Variants in MEGF11 observed in about 807,000 individuals in gnomAD.
MEGF11 encodes multiple epidermal growth factor-like domains protein 11.
Under a neutral mutation model 146.6 loss-of-function variants are expected in MEGF11, and 126 were observed. The observed-to-expected ratio is 0.86, with a 90% CI of 0.74 to 1.00. The LOEUF (loss-of-function observed/expected upper bound fraction) is 1.00, where lower values mean the gene tolerates loss of function less well. Among genes scored for constraint, MEGF11 ranks in the 50% least tolerant of loss-of-function variants. MEGF11 has a pLI of 0.00. For missense variants in MEGF11, 1,509 were observed against 1,521.2 expected, an observed-to-expected ratio of 0.99 and a Z score of 0.13; for synonymous variants, 532 against 583.4, an observed-to-expected ratio of 0.91 and a Z score of 1.27.
At chr15:65,903,950 G>T (rs775132246) in intron 24 of MEGF11, among the ~76,000 whole-genome samples, 6 of 152,324 alleles carry the variant, frequency 3.9e-5, no homozygotes, top group Non-Finnish European at 8.8e-5. Context: ...ATTGTAGCCA[G>T]AGTGGTAAAA....
chr15:66,054,848 G>A (rs540517310), intron 5 of MEGF11, among the ~76,000 whole-genome samples: 41 of 152,232 alleles, frequency 2.7e-4, no homozygotes, highest in Admixed American at 4.6e-4. Context: ...AGGTGGAAAC[G>A]AAGGAAAGAG....
chr15:66,176,772 G>C (rs2090398402), intron 1 of MEGF11, among the ~76,000 whole-genome samples: 1 of 152,220 alleles, frequency 6.6e-6, no homozygotes, highest in Non-Finnish European at 1.5e-5. Flanking sequence ...TTCCCAGATG[G>C]TTTTAGGATG....
chr15:65,945,134 G>T (rs1387868172), intron 10 of MEGF11, among the ~76,000 whole-genome samples: 2 of 152,224 alleles, frequency 1.3e-5, no homozygotes, highest in Non-Finnish European at 2.9e-5. Context: ...GACCTCAAGT[G>T]ATCTGCCCTC....
chr15:66,221,273 G>A (rs992543242), intron 1 of MEGF11, among the ~76,000 whole-genome samples: 3 of 151,982 alleles, frequency 2.0e-5, no homozygotes, highest in African/African-American at 4.8e-5. Flanking sequence ...CCTGGGTCAC[G>A]GGCTCGCAGC....
chr15:66,229,655 A>G (rs1278438420), intron 1 of MEGF11, among the ~76,000 whole-genome samples: 1 of 152,062 alleles, frequency 6.6e-6, no homozygotes, highest in Non-Finnish European at 1.5e-5. Context: ...CATACTCTGA[A>G]TCTCTGAGTC....
intron 5 of MEGF11, among the ~76,000 whole-genome samples, chr15:66,092,056 G>T (rs910954425): frequency 2.6e-5 from 4 of 152,186 alleles, no homozygotes; most frequent in African/African-American, 9.6e-5. Flanking sequence ...AAATTCCAGG[G>T]ACAAGGAGCA....
rs76210418 is a variant in MEGF11 at position 65,960,954 on chromosome 15, C to CT, written c.1113-3234dup. Among the ~76,000 whole-genome samples the CT allele has an allele frequency of 4.2e-3, 626 of 147,426 alleles. 2 individuals are homozygous for CT. The highest frequency in any genetic ancestry group is 0.011 in the African/African-American group (431 of 40,374). ...CTCAAAACCAAATCTAAAATCATTCCTTTTTTTTTTTCATATCCCTACAAT... is the reference window on the plus strand; with the variant it reads ...CTCAAAACCAAATCTAAAATCATTCCTTTTTTTTTTTTCATATCCCTACAAT... On this transcript the variant is annotated intron_variant, in intron 9 of 25. Coordinates refer to ENST00000395614, the MANE Select transcript of MEGF11 (RefSeq NM_001385028.1).
At chr15:66,161,240 C>T (rs973901834) in intron 1 of MEGF11, among the ~76,000 whole-genome samples, 5 of 152,114 alleles carry the variant, frequency 3.3e-5, no homozygotes, top group African/African-American at 9.7e-5. Context: ...AACATAATAG[C>T]GATGAATGTA....
chr15:66,207,729 C>T (rs1355406087), intron 1 of MEGF11, among the ~76,000 whole-genome samples: 1 of 152,146 alleles, frequency 6.6e-6, no homozygotes, highest in Non-Finnish European at 1.5e-5. Context: ...GCAATAATTA[C>T]AAATACTGTT....
At chr15:66,088,787 T>G (rs1474005123) in intron 5 of MEGF11, among the ~76,000 whole-genome samples, 1 of 152,060 alleles carries the variant, frequency 6.6e-6, no homozygotes, top group Non-Finnish European at 1.5e-5. Context: ...CACAGAGTAG[T>G]CAAATTCATA....
chr15:66,166,451 C>G (rs2090099953), intron 1 of MEGF11, among the ~76,000 whole-genome samples: 1 of 152,182 alleles, frequency 6.6e-6, no homozygotes, highest in African/African-American at 2.4e-5. Flanking sequence ...CTCTACTCAG[C>G]AGCCAGGGAG....
At chr15:66,090,185 C>T (rs1952604667) in intron 5 of MEGF11, among the ~76,000 whole-genome samples, 1 of 152,190 alleles carries the variant, frequency 6.6e-6, no homozygotes, top group South Asian at 2.1e-4. Context: ...ATCCCCTTCA[C>T]TGCTGTCAAA....
intron 1 of MEGF11, among the ~76,000 whole-genome samples, chr15:66,168,090 C>A (rs1315349177): frequency 6.6e-6 from 1 of 152,074 alleles, no homozygotes; most frequent in Non-Finnish European, 1.5e-5. Flanking sequence ...TCCTATCAAA[C>A]CAAAATGCTC....
chr15:66,192,939 G>A (rs1451616035), intron 1 of MEGF11, among the ~76,000 whole-genome samples: 1 of 152,226 alleles, frequency 6.6e-6, no homozygotes, highest in Non-Finnish European at 1.5e-5. Context: ...GTGTGATGGA[G>A]AGGAATAGGT....
intron 1 of MEGF11, among the ~76,000 whole-genome samples, chr15:66,192,825 G>A (rs1266517737): frequency 3.9e-5 from 6 of 152,174 alleles, no homozygotes; most frequent in Admixed American, 1.3e-4. Flanking sequence ...CTGGCGTGGC[G>A]CCCTTTGCAC....
At chr15:66,198,322 C>G (rs982150568) in intron 1 of MEGF11, among the ~76,000 whole-genome samples, 1 of 152,210 alleles carries the variant, frequency 6.6e-6, no homozygotes, top group Non-Finnish European at 1.5e-5. Flanking sequence ...TTTCTTTATA[C>G]TCAGACACTT....
intron 1 of MEGF11, among the ~76,000 whole-genome samples, chr15:66,192,006 A>C (rs1055754315): frequency 6.6e-5 from 10 of 152,140 alleles, no homozygotes. Context: ...TGAACCCAGG[A>C]GGCGGAGTCT....
chr15:66,088,248 C>G (rs1018611740), intron 5 of MEGF11, among the ~76,000 whole-genome samples: 3 of 152,192 alleles, frequency 2.0e-5, no homozygotes, highest in African/African-American at 7.2e-5. Flanking sequence ...ACTAGACACT[C>G]AAAGAAGAAT....
intron 1 of MEGF11, among the ~76,000 whole-genome samples, chr15:66,231,710 C>G (rs1290107321): frequency 1.3e-5 from 2 of 152,172 alleles, no homozygotes; most frequent in Non-Finnish European, 2.9e-5. Context: ...CTTTGGGCAG[C>G]TATAGTGATG....
Sources: gnomAD v4.1 joint callset for allele counts (sites outside exome capture counted in the v4.1 genomes callset) on GRCh38, gnomAD v4.1.1 for gene constraint, MANE v1.5 for transcripts, NCBI Gene and HGNC (gene_info 2026-07-23, HGNC 2026-07-21) for gene names.